The following FRMPD1 variants were observed in gnomAD, a reference collection of about 807,000 sequenced individuals.
FRMPD1 encodes FERM and PDZ domain-containing protein 1.
In FRMPD1, 76 loss-of-function variants were observed where a neutral mutation model predicts 117.8. That is an observed-to-expected ratio of 0.65 (90% CI 0.54 to 0.78). The LOEUF is 0.78. Among genes scored for constraint, FRMPD1 ranks in the 30% least tolerant of loss-of-function variants. FRMPD1 has a pLI of 0.00. For missense variants in FRMPD1, 1,786 were observed against 1,964.5 expected (o/e 0.91, Z 1.72); for synonymous variants, 783 against 770.4 (o/e 1.02, Z -0.27).
chr9:37,678,673 G>T (rs1172844781), intron 1 of FRMPD1, among the ~76,000 whole-genome samples: 3 of 151,850 alleles, frequency 2.0e-5, no homozygotes, highest in Non-Finnish European at 2.9e-5. Context: ...TGTCTTTTTT[G>T]CTCCTAATGA....
chr9:37,667,062 C>CTTTTTTTTTTTTTTTTTTTTTT (rs573955616), intron 1 of FRMPD1, among the ~76,000 whole-genome samples: 5 of 111,054 alleles, frequency 4.5e-5, no homozygotes, highest in African/African-American at 2.0e-4. Flanking sequence ...TTGAAGCATG[C>CTTTTTTTTTTTTTTTTTTTTTT]TTTTTTTTTT....
chr9:37,724,312 A>G lies in FRMPD1; in HGVS notation c.604A>G (p.Thr202Ala), dbSNP rs760515210. The change falls in exon 7 of 16, where the codon ACC becomes GCC. Residue 202 changes from threonine (T) to alanine (A), a missense_variant. Transcript: ENST00000377765. ...TKAFKFEANT[T>A]VKDIILTVKE... ...AGCTTTCAAGTTTGAGGCAAACACA[A>G]CCGTGAAGGTATTAAGAATAAACTT... 5 of 1,540,798 alleles carry G rather than the reference A, an allele frequency of 3.2e-6. No individual in the cohort carries two copies. The highest frequency in any genetic ancestry group is 2.7e-6 in the Non-Finnish European group (3 of 1,113,164).
In FRMPD1 at chr9:37,717,678, C is replaced by A. The variant is rs895792019; in HGVS notation, c.409-1391C>A. The stretch of plus-strand genomic sequence containing the variant: ...TACAGGCAGGAGCCACTGCACGCAG[C>A]CTGATTTTGCCAAGAATTAACGACA... On this transcript the variant is annotated intron_variant, in intron 5 of 15. Transcript: ENST00000377765. Among the ~76,000 whole-genome samples the A allele has an allele frequency of 2.0e-5, 3 of 152,126 alleles. No homozygotes were observed. In the East Asian group the frequency reaches 5.8e-4, roughly 29 times the overall value.
chr9:37,737,225 C>T lies in FRMPD1; in HGVS notation c.1531C>T (p.Arg511Trp), dbSNP rs550100323. The change falls in exon 14 of 16, where the codon CGG becomes TGG. Residue 511 changes from arginine to tryptophan, a missense_variant. By Grantham distance (101) the Arg-to-Trp change is moderately radical. Transcript: ENST00000377765. The part of the protein sequence containing the change: ...LWPGNKQQAH[R>W]VSAEEGYESR... ...GCCTGGAAACAAACAACAAGCGCACCGGGTATCTGCAGAAGAAGGTGAGGC... is the reference window on the plus strand; with the variant it reads ...GCCTGGAAACAAACAACAAGCGCACTGGGTATCTGCAGAAGAAGGTGAGGC... 9.3e-6 allele frequency: 15 copies of T among 1,614,020 alleles called. No homozygotes were observed. In the East Asian group the frequency reaches 1.3e-4, roughly 14 times the overall value.
At chr9:37,636,624 C>G in the FRMPD1 span, 6 of 1,206,142 alleles carry the variant, frequency 5.0e-6, no homozygotes, top group East Asian at 1.2e-4. Context: ...GGAGGCACCT[C>G]CTGTCCCCTC....
intron 1 of FRMPD1, among the ~76,000 whole-genome samples, chr9:37,687,074 C>T (rs1008929144): frequency 3.3e-5 from 5 of 152,186 alleles, no homozygotes; most frequent in African/African-American, 7.2e-5. Flanking sequence ...ACGTCATCCT[C>T]GTGTCCCTTC....
chr9:37,682,925 C>T (rs1049670400), intron 1 of FRMPD1, among the ~76,000 whole-genome samples: 18 of 152,122 alleles, frequency 1.2e-4, no homozygotes, highest in African/African-American at 2.4e-4. Context: ...TTAAATTATA[C>T]GATTAGTGGT....
Position 37,745,564 on chromosome 9 carries a change from C to G in FRMPD1, c.3532C>G (p.Pro1178Ala), listed in dbSNP as rs993477462. ...TGTEQIPPHP[P>A]RDPQGQSREP... The stretch of plus-strand genomic sequence containing the variant: ...GACCGAGCAGATCCCACCACATCCC[C>G]CTAGAGACCCTCAAGGACAGAGCAG... The change falls in exon 16 of 16, where the codon CCT (proline) becomes GCT (alanine). Residue 1178 changes from proline to alanine, a missense_variant. Pro to Ala is a conservative substitution (Grantham distance 27). Transcript: ENST00000377765. 1 of 1,613,994 alleles carries G rather than the reference C, an allele frequency of 6.2e-7. No individual in the cohort carries two copies. Among genetic ancestry groups the G allele is most frequent in the African/African-American group, 1.3e-5 (1 of 74,912 alleles).
chr9:37,647,888 TGTAAA>T (rs1824171927), upstream of FRMPD1, among the ~76,000 whole-genome samples: 1 of 152,252 alleles, frequency 6.6e-6, no homozygotes, highest in Non-Finnish European at 1.5e-5. Context: ...TAATAGCTTA[TGTAAA>T]GTATTTAGCA....
At chr9:37,657,118 A>G (rs1820866783) in intron 1 of FRMPD1, among the ~76,000 whole-genome samples, 1 of 152,264 alleles carries the variant, frequency 6.6e-6, no homozygotes, top group Non-Finnish European at 1.5e-5. Flanking sequence ...ACAGTGCATC[A>G]TTCTCTGAGA....
At chr9:37,696,294 C>T (rs907259367) in intron 2 of FRMPD1, among the ~76,000 whole-genome samples, 1 of 151,836 alleles carries the variant, frequency 6.6e-6, no homozygotes, top group Non-Finnish European at 1.5e-5. Context: ...CTGCTCATCA[C>T]GCTTTATAAT....
At chr9:37,606,773 A>G in the FRMPD1 span, among the ~76,000 whole-genome samples, 2 of 152,206 alleles carry the variant, frequency 1.3e-5, no homozygotes, top group Admixed American at 6.5e-5. Flanking sequence ...CAGAATGATC[A>G]GTTCCTGGAT....
chr9:37,622,009 A>G, the FRMPD1 span, among the ~76,000 whole-genome samples: 1 of 152,202 alleles, frequency 6.6e-6, no homozygotes. Flanking sequence ...TCAGGTGTAA[A>G]TCAGTTGCAG....
In FRMPD1 at chr9:37,740,632, A is replaced by C. The variant is rs558951320; in HGVS notation, c.2104A>C (p.Ser702Arg). ...VRLDPRLYEG[S>R]HADYYSLCSS... ...GCTGGACCCCAGGCTGTATGAAGGC[A>C]GCCACGCTGACTACTACAGCCTGTG... Residue 702 changes from serine (S) to arginine (R), a missense_variant, in exon 15 of 16, where the codon AGC (serine) becomes CGC (arginine). Physicochemically the swap from Ser to Arg is moderately radical, Grantham distance 110. Transcript: ENST00000377765. This position sits in a 1 kb window ranked among gnomAD's most constrained non-coding sequence, Gnocchi z 4.2. 6.2e-7 allele frequency: 1 copy of C among 1,614,136 alleles called. No individual in the cohort carries two copies. The highest frequency in any genetic ancestry group is 1.1e-5 in the South Asian group (1 of 91,082).
At chr9:37,653,889 C>T (rs989698726) in intron 1 of FRMPD1, among the ~76,000 whole-genome samples, 4 of 152,118 alleles carry the variant, frequency 2.6e-5, no homozygotes, top group Admixed American at 6.5e-5. Context: ...ACTTGAGTCT[C>T]ACTCGAGACT....
chr9:37,657,568 C>T (rs949623458), intron 1 of FRMPD1, among the ~76,000 whole-genome samples: 7 of 152,196 alleles, frequency 4.6e-5, no homozygotes, highest in African/African-American at 1.7e-4. Context: ...TGTGGAGATA[C>T]ATACTTGGCC....
chr9:37,645,956 A>T (rs975030986), upstream of FRMPD1, among the ~76,000 whole-genome samples: 2 of 152,182 alleles, frequency 1.3e-5, no homozygotes, highest in Non-Finnish European at 2.9e-5. Flanking sequence ...CTTCTTATAG[A>T]GGAGTAAAGT....
At chr9:37,616,866 G>C in the FRMPD1 span, among the ~76,000 whole-genome samples, 2 of 152,204 alleles carry the variant, frequency 1.3e-5, no homozygotes, top group African/African-American at 4.8e-5. Context: ...CCTAGAGTTA[G>C]AATGAAGGGG....
At chr9:37,617,915 G>A in the FRMPD1 span, among the ~76,000 whole-genome samples, 1 of 152,124 alleles carries the variant, frequency 6.6e-6, no homozygotes, top group Non-Finnish European at 1.5e-5. Flanking sequence ...AACTCCCCAT[G>A]AGAGCCCATT....
Sources: allele counts gnomAD v4.1 joint callset (sites outside exome capture counted in the v4.1 genomes callset), GRCh38; gene constraint gnomAD v4.1.1; non-coding constraint Gnocchi (gnomAD v3.1); transcripts MANE v1.5; gene names NCBI Gene and HGNC (gene_info 2026-07-23, HGNC 2026-07-21).